The following SYNPR variants were observed in gnomAD, a reference collection of about 807,000 sequenced individuals.
SYNPR encodes the protein synaptoporin.
A neutral mutation model predicts 32.9 loss-of-function variants in SYNPR; 23 were observed. The observed-to-expected ratio is 0.70, with a 90% CI of 0.50 to 0.99. The LOEUF is 0.99. Among genes scored for constraint, SYNPR ranks in the 50% least tolerant of loss-of-function variants. The probability of loss-of-function intolerance (pLI) is 0.00; values close to 1 mark genes in which losing one functional copy is unlikely to be tolerated. For missense variants in SYNPR, 318 were observed against 349.3 expected, an observed-to-expected ratio of 0.91 and a Z score of 0.71; for synonymous variants, 146 against 135.9, an observed-to-expected ratio of 1.07 and a Z score of -0.52.
chr3:63,382,274 A>G (rs1272582759), intron 2 of SYNPR, among the ~76,000 whole-genome samples: 1 of 152,184 alleles, frequency 6.6e-6, no homozygotes, highest in East Asian at 1.9e-4. Flanking sequence ...TTACTGCCCA[A>G]AGGCATGAAA....
At chr3:63,457,193 G>T (rs1700498536) in intron 2 of SYNPR, among the ~76,000 whole-genome samples, 1 of 151,904 alleles carries the variant, frequency 6.6e-6, no homozygotes, top group Non-Finnish European at 1.5e-5. Context: ...TTTCCTTCTC[G>T]CAAGATAAGA....
rs925403019 is a variant in SYNPR at position 63,269,487 on chromosome 3, G to GA, written n.287+2048dup. Among the ~76,000 whole-genome samples the GA allele has an allele frequency of 7.3e-4, 104 of 142,010 alleles. 1 individual carries two copies. Among genetic ancestry groups the GA allele is most frequent in the Admixed American group, 3.9e-3 (56 of 14,266 alleles). The allele number at this position is 142,010 out of a possible 152,430, so 93.2% of individuals were successfully genotyped here. A position where few individuals can be genotyped will look rare whatever the true frequency, so the allele number is the denominator to read the frequency against. On this transcript the variant is annotated intron_variant and non_coding_transcript_variant, in intron 3 of 4. Coordinates refer to the SYNPR transcript ENST00000478456. ...AGTGAGACTCCATCTCAAAAAAGGA[G>GA]AAAAAAAAAAGGAAAAGAAATGAAG...
At chr3:63,253,628 C>T (rs930199255) in intron 2 of SYNPR, among the ~76,000 whole-genome samples, 4 of 152,134 alleles carry the variant, frequency 2.6e-5, no homozygotes, top group Non-Finnish European at 5.9e-5. Context: ...TACCATCTCA[C>T]ACCAGTTAGA....
chr3:63,593,945 T>A (rs1699886741), intron 4 of SYNPR, among the ~76,000 whole-genome samples: 1 of 152,006 alleles, frequency 6.6e-6, no homozygotes, highest in Non-Finnish European at 1.5e-5. Flanking sequence ...GGGAAGATAA[T>A]AAAGTGTAAA....
At chr3:63,526,197 C>T (rs1159098035) in intron 3 of SYNPR, among the ~76,000 whole-genome samples, 1 of 152,212 alleles carries the variant, frequency 6.6e-6, no homozygotes, top group Non-Finnish European at 1.5e-5. Context: ...TTGCTGGGGT[C>T]AAACCACATC....
intron 3 of SYNPR, among the ~76,000 whole-genome samples, chr3:63,539,216 A>G (rs1397842052): frequency 2.6e-5 from 4 of 152,134 alleles, no homozygotes; most frequent in Non-Finnish European, 5.9e-5. Context: ...GTGTGTTAGT[A>G]TTAGTCATTC....
chr3:63,342,424 C>T (rs560303092), intron 2 of SYNPR, among the ~76,000 whole-genome samples: 7 of 152,206 alleles, frequency 4.6e-5, no homozygotes, highest in African/African-American at 9.6e-5. Flanking sequence ...TTACATTGAT[C>T]GTATTTTGAA....
intron 2 of SYNPR, among the ~76,000 whole-genome samples, chr3:63,371,877 A>G (rs927409523): frequency 3.9e-5 from 6 of 151,958 alleles, no homozygotes; most frequent in African/African-American, 1.2e-4. Flanking sequence ...TACCACCCTA[A>G]CCACCCTCAG....
At chr3:63,601,418 C>T (rs1443608703) in intron 4 of SYNPR, among the ~76,000 whole-genome samples, 1 of 152,066 alleles carries the variant, frequency 6.6e-6, no homozygotes, top group Non-Finnish European at 1.5e-5. Context: ...TTGCATGTCA[C>T]GGGGGCTTGG....
At chr3:63,376,190 T>C (rs540231951) in intron 2 of SYNPR, among the ~76,000 whole-genome samples, 2 of 152,340 alleles carry the variant, frequency 1.3e-5, no homozygotes, top group South Asian at 4.1e-4. Flanking sequence ...CCTGCTACAA[T>C]CTTCTAAGTC....
chr3:63,350,532 G>A (rs1472150506), intron 2 of SYNPR, among the ~76,000 whole-genome samples: 1 of 152,224 alleles, frequency 6.6e-6, no homozygotes, highest in East Asian at 1.9e-4. Flanking sequence ...TAGTGTGTGT[G>A]TGCGTGCATA....
At chr3:63,484,661 T>C (rs1044526783) in intron 3 of SYNPR, among the ~76,000 whole-genome samples, 1 of 152,186 alleles carries the variant, frequency 6.6e-6, no homozygotes, top group Non-Finnish European at 1.5e-5. Flanking sequence ...TATATTAGAT[T>C]ATGTAGTCAT....
chr3:63,352,982 G>A (rs1252523219), intron 2 of SYNPR, among the ~76,000 whole-genome samples: 4 of 152,118 alleles, frequency 2.6e-5, no homozygotes, highest in Non-Finnish European at 4.4e-5. Flanking sequence ...ATTTGAGTGG[G>A]GACAGAGCTA....
At chr3:63,369,605 T>G (rs2087770768) in intron 2 of SYNPR, among the ~76,000 whole-genome samples, 1 of 152,220 alleles carries the variant, frequency 6.6e-6, no homozygotes, top group South Asian at 2.1e-4. Context: ...GTTTGGAACC[T>G]GGTGTTCAAG....
At chr3:63,354,724 G>A (rs2087552273) in intron 2 of SYNPR, among the ~76,000 whole-genome samples, 1 of 152,150 alleles carries the variant, frequency 6.6e-6, no homozygotes, top group Admixed American at 6.5e-5. Context: ...ATCAACTCTT[G>A]CTTTTCATCA....
At chr3:63,464,704 T>C (rs1433805172) in intron 2 of SYNPR, among the ~76,000 whole-genome samples, 4 of 152,192 alleles carry the variant, frequency 2.6e-5, no homozygotes, top group African/African-American at 9.6e-5. Flanking sequence ...TTTTCCCACA[T>C]CTTCCAGTTT....
rs1416594352 is a variant in SYNPR at position 63,241,665 on chromosome 3, T to A, written n.67-10834T>A. Among the ~76,000 whole-genome samples the A allele has an allele frequency of 2.6e-5, 4 of 152,010 alleles. No homozygotes were observed. In the East Asian group the frequency reaches 7.7e-4, roughly 29 times the overall value. ...GGAACTGCTACAATCATCTCATAAG[T>A]GTAAGAGGAAAGCTAAGAGATTTAT... is the stretch of plus-strand genomic sequence containing the variant. On this transcript the variant is annotated intron_variant and non_coding_transcript_variant, in intron 1 of 4. Transcript: ENST00000478456.
intron 3 of SYNPR, among the ~76,000 whole-genome samples, chr3:63,509,190 GTTATATATATA>G (rs1701644825): frequency 6.7e-6 from 1 of 149,460 alleles, no homozygotes; most frequent in Non-Finnish European, 1.5e-5. Flanking sequence ...AAGGCTGAAA[GTTATATATATA>G]TGTATGTGTA....
intron 2 of SYNPR, among the ~76,000 whole-genome samples, chr3:63,467,582 G>A (rs1187354713): frequency 1.3e-5 from 2 of 152,184 alleles, no homozygotes; most frequent in African/African-American, 4.8e-5. Context: ...ATGATATGAT[G>A]TCTGTAAAGC....
Sources: gnomAD v4.1 joint callset for allele counts (sites outside exome capture counted in the v4.1 genomes callset) on GRCh38, gnomAD v4.1.1 for gene constraint, MANE v1.5 for transcripts, NCBI Gene and HGNC (gene_info 2026-07-23, HGNC 2026-07-21) for gene names.